ZNF770: variants seen among roughly 807,000 people sequenced by gnomAD.
ZNF770 encodes the protein zinc finger protein 770.
ZNF770 carries 13 observed loss-of-function variants against 44.8 expected under a neutral mutation model. The ratio of observed to expected loss-of-function variants is 0.29; its 90% CI spans 0.19 to 0.46. The LOEUF is 0.46. Ranked by LOEUF, ZNF770 falls within the 20% of genes least tolerant of loss-of-function variation. The pLI, the probability that ZNF770 is intolerant of heterozygous loss-of-function variation, is 1.00. For synonymous variants in ZNF770, 304 were observed against 271.8 expected (o/e 1.12, Z -1.17); for missense variants, 681 against 797.9 (o/e 0.85, Z 1.77).
In ZNF770 at chr15:34,981,816, C is replaced by A. The variant is rs2050403934; in HGVS notation, c.1619G>T (p.Gly540Val). 44 of 1,614,048 alleles carry A rather than the reference C, an allele frequency of 2.7e-5. No individual in the cohort carries two copies. Among genetic ancestry groups the A allele is most frequent in the Non-Finnish European group, 3.6e-5 (43 of 1,180,020 alleles). ...ATGATTAGAAAGATTGTTGAAGTTTCCAAATTCTACTTGGCAAAGAGATGC... is the reference window on the plus strand; with the variant it reads ...ATGATTAGAAAGATTGTTGAAGTTTACAAATTCTACTTGGCAAAGAGATGC... ...PYASLCQVEF[G>V]NFNNLSNHSG... Residue 540 changes from glycine (G) to valine (V), a missense_variant, in exon 3 of 3, where the codon GGA (glycine) becomes GTA (valine). By Grantham distance (109) the Gly-to-Val change is moderately radical (BLOSUM62 -3). Coordinates refer to ENST00000356321, the MANE Select transcript of ZNF770 (RefSeq NM_014106.4).
In ZNF770 at chr15:34,979,945, C is replaced by G. The variant is rs2050390063; in HGVS notation, c.*1414G>C. 4.2e-6 allele frequency: 1 copy of G among 238,202 alleles called. No homozygotes were observed. The highest frequency in any genetic ancestry group is 8.3e-6 in the Non-Finnish European group (1 of 119,884). The allele number at this position is 238,202 out of a possible 1,614,324, so 14.8% of individuals were successfully genotyped here. A position where few individuals can be genotyped will look rare whatever the true frequency, so the allele number is the denominator to read the frequency against. On this transcript the variant is annotated 3_prime_UTR_variant, in exon 3 of 3. Transcript: ENST00000356321. Reference sequence around the variant, plus strand: ...GAATATTTCCCAAATCATAACAGTTCTATTTGGAATGATACCCACAACTCT... The same window carrying G: ...GAATATTTCCCAAATCATAACAGTTGTATTTGGAATGATACCCACAACTCT...
Position 34,987,842 on chromosome 15 carries a change from C to T in ZNF770, c.-173-169G>A, listed in dbSNP as rs570735686. On this transcript the variant is annotated intron_variant, in intron 1 of 2. Coordinates refer to ENST00000356321, the MANE Select transcript of ZNF770 (RefSeq NM_014106.4). Reference sequence around the variant, plus strand: ...CAGTCCTCGTTCTAAAGGCCCACAACCAATAATAAGCACGTAATGGTCGAG... The same window carrying T: ...CAGTCCTCGTTCTAAAGGCCCACAATCAATAATAAGCACGTAATGGTCGAG... Among the ~76,000 whole-genome samples, 4 of 152,236 alleles carry T rather than the reference C, an allele frequency of 2.6e-5. No individual in the cohort carries two copies. In the South Asian group the frequency reaches 8.3e-4, roughly 32 times the overall value.
In ZNF770 at chr15:34,980,770, C is replaced by T. The variant is rs1389364104; in HGVS notation, c.*589G>A. ...CTAGCCTGGCGAAAGAGTGAGACTC[C>T]ATCTCAAAAAAAAAGACCAATGAAA... is the stretch of plus-strand genomic sequence containing the variant. On this transcript the variant is annotated 3_prime_UTR_variant, in exon 3 of 3. Coordinates refer to ENST00000356321, the MANE Select transcript of ZNF770 (RefSeq NM_014106.4). 1 of 150,028 alleles carries T rather than the reference C, an allele frequency of 6.7e-6. No homozygotes were observed. The highest frequency in any genetic ancestry group is 2.5e-5 in the African/African-American group (1 of 40,768). The allele number at this position is 150,028 out of a possible 1,614,324, so 9.3% of individuals were successfully genotyped here.
In ZNF770 at chr15:34,981,218, A is replaced by G. The variant is rs1166373645; in HGVS notation, c.*141T>C. 8 of 800,816 alleles carry G rather than the reference A, an allele frequency of 1.0e-5. No homozygotes were observed. The highest frequency in any genetic ancestry group is 1.5e-5 in the Non-Finnish European group (8 of 527,408). The allele number at this position is 800,816 out of a possible 1,614,324, so 49.6% of individuals were successfully genotyped here. A position where few individuals can be genotyped will look rare whatever the true frequency, so the allele number is the denominator to read the frequency against. On this transcript the variant is annotated 3_prime_UTR_variant, in exon 3 of 3. Transcript: ENST00000356321. ...ATTGTATTAATTTTCTATGTATTCTACCTCCTTACTATGCAGGACAAGCAA... is the reference window on the plus strand; with the variant it reads ...ATTGTATTAATTTTCTATGTATTCTGCCTCCTTACTATGCAGGACAAGCAA...
At chr15:34,985,423 C>T (rs1312857483) in intron 2 of ZNF770, among the ~76,000 whole-genome samples, 1 of 152,126 alleles carries the variant, frequency 6.6e-6, no homozygotes, top group Non-Finnish European at 1.5e-5. Context: ...CCTTCAACCC[C>T]AAATCACAAA....
chr15:34,983,596 G>C, intron 2 of ZNF770, 106 bp from the exon 3 acceptor site: 1 of 499,722 alleles, frequency 2.0e-6, no homozygotes, highest in East Asian at 3.6e-5. Flanking sequence ...AGGAGAATCT[G>C]GACTTAGTGT....
rs918002654 is a variant in ZNF770 at position 34,982,448 on chromosome 15, G to C, written c.987C>G (p.Ser329Arg). ...SGKIPSRFKRSYNYKTIVKKI... is the reference protein window; with the variant it reads ...SGKIPSRFKRRYNYKTIVKKI... The stretch of plus-strand genomic sequence containing the variant: ...TTTTAACAATGGTTTTATAGTTGTA[G>C]CTTCTTTTGAACCTGCTTGGAATTT... The change falls in exon 3 of 3, where the codon AGC becomes AGG. Residue 329 changes from serine (S) to arginine (R), a missense_variant. Coordinates refer to ENST00000356321, the MANE Select transcript of ZNF770 (RefSeq NM_014106.4). 6.2e-7 allele frequency: 1 copy of C among 1,613,886 alleles called. No homozygotes were observed. Among genetic ancestry groups the C allele is most frequent in the East Asian group, 2.2e-5 (1 of 44,864 alleles).
rs1055987391 is a variant in ZNF770 at position 34,979,467 on chromosome 15, G to GAA, written c.*1890_*1891dup. The GAA allele has an allele frequency of 7.4e-6, 2 of 268,614 alleles. No homozygotes were observed. The highest frequency in any genetic ancestry group is 1.5e-5 in the Non-Finnish European group (2 of 134,346). 16.6% of individuals were successfully genotyped at this position (268,614 alleles called of 1,614,324 possible). On this transcript the variant is annotated 3_prime_UTR_variant, in exon 3 of 3. Transcript: ENST00000356321. ...GAACATATCTCAAGGAAACCTAAGAGAAAGTGTTCTTTAAAGCATGTGATT... is the reference window on the plus strand; with the variant it reads ...GAACATATCTCAAGGAAACCTAAGAGAAAAAGTGTTCTTTAAAGCATGTGATT...
Position 34,987,671 on chromosome 15 carries a change from G to C in ZNF770, c.-171C>G, listed in dbSNP as rs1211116918. On this transcript the variant is annotated splice_region_variant and 5_prime_UTR_variant, in exon 2 of 3. Coordinates refer to ENST00000356321, the MANE Select transcript of ZNF770 (RefSeq NM_014106.4). ...GAAAGTAAGCGAACAAGAAATGAAA[G>C]ACCTAAGAGAAACACACACAACTTT... The C allele has an allele frequency of 1.3e-5, 2 of 152,176 alleles. No individual in the cohort carries two copies. Among genetic ancestry groups the C allele is most frequent in the Non-Finnish European group, 2.9e-5 (2 of 68,034 alleles). The allele number at this position is 152,176 out of a possible 1,614,324, so 9.4% of individuals were successfully genotyped here. A position where few individuals can be genotyped will look rare whatever the true frequency, so the allele number is the denominator to read the frequency against.
chr15:34,981,387 T>C lies in ZNF770; in HGVS notation c.2048A>G (p.Lys683Arg). 6.2e-7 allele frequency: 1 copy of C among 1,612,256 alleles called. No homozygotes were observed. Among genetic ancestry groups the C allele is most frequent in the Non-Finnish European group, 8.5e-7 (1 of 1,179,792 alleles). Residue 683 changes from lysine (K) to arginine (R), a missense_variant, in exon 3 of 3, where the codon AAA becomes AGA. Transcript: ENST00000356321. ...LTHFKERPQG[K>R]VVALDSVM ...CATAACCGAATCTAAGGCAACCACT[T>C]TCCCTTGTGGTCGTTCTTTAAAGTG...
chr15:34,988,222 G>T lies in ZNF770; in HGVS notation c.-280C>A, dbSNP rs891427596. 4 of 152,226 alleles carry T rather than the reference G, an allele frequency of 2.6e-5. No homozygotes were observed. Among genetic ancestry groups the T allele is most frequent in the African/African-American group, 9.7e-5 (4 of 41,448 alleles). 9.4% of individuals were successfully genotyped at this position (152,226 alleles called of 1,614,324 possible). ...TCTGGAGCTGGCGAGGGCCCGGGAG[G>T]CACGCACCTCAGGCCCAGGTGCCGC... On this transcript the variant is annotated 5_prime_UTR_variant, in exon 1 of 3. Transcript: ENST00000356321.
In ZNF770 at chr15:34,981,375, A is replaced by C; in HGVS notation, c.2060T>G (p.Leu687Ter). The C allele has an allele frequency of 6.2e-7, 1 of 1,610,108 alleles. No individual in the cohort carries two copies. Among genetic ancestry groups the C allele is most frequent in the Non-Finnish European group, 8.5e-7 (1 of 1,179,342 alleles). Residue 687 changes from leucine to a stop codon, truncating the protein, a stop_gained, in exon 3 of 3, where the codon TTA becomes TGA. Coordinates refer to ENST00000356321, the MANE Select transcript of ZNF770 (RefSeq NM_014106.4). LOFTEE classifies it high-confidence loss of function. ...TGCGACAATTTACATAACCGAATCT[A>C]AGGCAACCACTTTCCCTTGTGGTCG... Reference protein sequence around the residue: ...KERPQGKVVALDSVM With the variant: ...KERPQGKVVA
Position 34,982,973 on chromosome 15 carries a change from T to C in ZNF770, c.462A>G (p.Lys154=). 6.2e-7 allele frequency: 1 copy of C among 1,614,086 alleles called. No homozygotes were observed. Among genetic ancestry groups the C allele is most frequent in the East Asian group, 2.2e-5 (1 of 44,862 alleles). Residue 154 remains lysine, a synonymous_variant, in exon 3 of 3, where the codon AAA becomes AAG. Coordinates refer to ENST00000356321, the MANE Select transcript of ZNF770 (RefSeq NM_014106.4). ...TACATGCATGAATATTCTTTCTTCT[T>C]TTCATGCTATACATGGGATCAGACT... ...CSKSDPMYSM[K]RRKNIHACTI... is the part of the protein sequence containing the mutation.
In ZNF770 at chr15:34,979,666, C is replaced by A. The variant is rs1157321805; in HGVS notation, c.*1693G>T. 6.7e-6 allele frequency: 3 copies of A among 449,522 alleles called. No homozygotes were observed. Among genetic ancestry groups the A allele is most frequent in the Non-Finnish European group, 1.3e-5 (3 of 224,310 alleles). 27.8% of individuals were successfully genotyped at this position (449,522 alleles called of 1,614,324 possible). A position where few individuals can be genotyped will look rare whatever the true frequency, so the allele number is the denominator to read the frequency against. ...CACCCCCACCTACTATCCCTCCCGC[C>A]TCCCCCCTGTCAAAAGAAAGTTCTC... is the stretch of plus-strand genomic sequence containing the variant. On this transcript the variant is annotated 3_prime_UTR_variant, in exon 3 of 3. Coordinates refer to ENST00000356321, the MANE Select transcript of ZNF770 (RefSeq NM_014106.4).
intron 2 of ZNF770, among the ~76,000 whole-genome samples, chr15:34,987,105 C>T (rs533830345): frequency 6.6e-6 from 1 of 152,220 alleles, no homozygotes; most frequent in African/African-American, 2.4e-5. Flanking sequence ...TAAATGCTTT[C>T]GTGGAACACG....
chr15:34,984,052 T>A (rs1353830143), intron 2 of ZNF770, among the ~76,000 whole-genome samples: 4 of 152,026 alleles, frequency 2.6e-5, no homozygotes, highest in Non-Finnish European at 4.4e-5. Context: ...TAGGAGAAAA[T>A]TCACAGAAGA....
Position 34,982,381 on chromosome 15 carries a change from C to T in ZNF770, c.1054G>A (p.Asp352Asn), listed in dbSNP as rs1208782785. 2 of 1,608,818 alleles carry T rather than the reference C, an allele frequency of 1.2e-6. No homozygotes were observed. Among genetic ancestry groups the T allele is most frequent in the Admixed American group, 3.4e-5 (2 of 58,832 alleles). The change falls in exon 3 of 3, where the codon GAT becomes AAT. Residue 352 changes from aspartate to asparagine, a missense_variant. Transcript: ENST00000356321. ...KLKRARSKKLDNFQSEKKVFK... is the reference protein window; with the variant it reads ...KLKRARSKKLNNFQSEKKVFK... ...ACTTTTTTCTCAGATTGAAAGTTAT[C>T]TAATTTTTTACTCCTAGCACGCTTA...
rs146805330 is a variant in ZNF770 at position 34,987,088 on chromosome 15, C to T, written c.-57+469G>A. ...AATTCCTTTTGTATGTTTCTTCTTCCCTTTAATAAATGCTTTCGTGGAACA... is the reference window on the plus strand; with the variant it reads ...AATTCCTTTTGTATGTTTCTTCTTCTCTTTAATAAATGCTTTCGTGGAACA... On this transcript the variant is annotated intron_variant, in intron 2 of 2. Coordinates refer to ENST00000356321, the MANE Select transcript of ZNF770 (RefSeq NM_014106.4). Among the ~76,000 whole-genome samples the T allele has an allele frequency of 3.0e-4, 45 of 152,348 alleles. No individual in the cohort carries two copies. The East Asian group carries it at 8.3e-3, about 28-fold the overall frequency.
intron 2 of ZNF770, among the ~76,000 whole-genome samples, chr15:34,986,876 A>G (rs1181863297): frequency 1.3e-5 from 2 of 152,232 alleles, no homozygotes; most frequent in Non-Finnish European, 2.9e-5. Context: ...TGGGATTTGC[A>G]TATCTAGCAG....
Sources: allele counts gnomAD v4.1 joint callset (sites outside exome capture counted in the v4.1 genomes callset), GRCh38; gene constraint gnomAD v4.1.1; transcripts MANE v1.5; gene names NCBI Gene and HGNC (gene_info 2026-07-23, HGNC 2026-07-21).